CBLIF: variants seen among roughly 807,000 people sequenced by gnomAD.
CBLIF encodes the protein gastric intrinsic factor (vitamin B synthesis).
A neutral mutation model predicts 44.9 loss-of-function variants in CBLIF; 24 were observed. That is an observed-to-expected ratio of 0.53 (90% CI 0.39 to 0.75). The LOEUF is 0.75. Among genes scored for constraint, CBLIF ranks in the 30% least tolerant of loss-of-function variants. CBLIF has a pLI of 0.00. For synonymous variants in CBLIF, 183 were observed against 190.9 expected (o/e 0.96, Z 0.34); for missense variants, 481 against 513.0 (o/e 0.94, Z 0.60).
At chr11:59,831,907 G>A (rs1866380340) in intron 7 of CBLIF, 111 bp from the exon 8 acceptor site, 2 of 696,308 alleles carry the variant, frequency 2.9e-6, no homozygotes, top group South Asian at 1.5e-5. Flanking sequence ...ATTTTTTAGA[G>A]ACAAGGTGTG....
Position 59,842,556 on chromosome 11 carries a change from T to G in CBLIF, c.398A>C (p.Tyr133Ser), listed in dbSNP as rs1436498258. 1 of 1,613,812 alleles carries G rather than the reference T, an allele frequency of 6.2e-7. No homozygotes were observed. The highest frequency in any genetic ancestry group is 2.2e-5 in the East Asian group (1 of 44,870). Residue 133 changes from tyrosine to serine, a missense_variant, in exon 4 of 9, where the codon TAT becomes TCT. Transcript: ENST00000257248. ...SSPNAEASAF[Y>S]GPSLAILALC... The stretch of plus-strand genomic sequence containing the variant: ...TGCCAAGATCGCTAGACTGGGCCCA[T>G]AGAAGGCTGATGCTTCAGCGTTGGG...
At chr11:59,838,054 G>GA (rs1202793508) in intron 5 of CBLIF, among the ~76,000 whole-genome samples, 1 of 152,046 alleles carries the variant, frequency 6.6e-6, no homozygotes, top group African/African-American at 2.4e-5. Context: ...GCTGGACGAT[G>GA]AAAAAAGAGT....
chr11:59,843,730 G>A (rs1866569428), intron 2 of CBLIF, 149 bp downstream of exon 2: 3 of 705,764 alleles, frequency 4.3e-6, no homozygotes, highest in Non-Finnish European at 7.7e-6. Flanking sequence ...TTCTTTCCAG[G>A]TACCTTCCAG....
At chr11:59,835,147 C>CTTT (rs11307656) in intron 7 of CBLIF, among the ~76,000 whole-genome samples, 1 of 141,284 alleles carries the variant, frequency 7.1e-6, no homozygotes. Context: ...ATTTCTTTTC[C>CTTT]TTTTTTTTTT....
chr11:59,842,382 C>T, intron 4 of CBLIF, 61 bp downstream of exon 4: 2 of 1,579,146 alleles, frequency 1.3e-6, no homozygotes, highest in Non-Finnish European at 1.7e-6. Flanking sequence ...CCTGCCAGCT[C>T]CACCATTCAG....
chr11:59,842,595 A>G lies in CBLIF; in HGVS notation c.371-12T>C, dbSNP rs748272970. The G allele has an allele frequency of 1.2e-6, 2 of 1,612,632 alleles. No individual in the cohort carries two copies. The highest frequency in any genetic ancestry group is 1.7e-6 in the Non-Finnish European group (2 of 1,178,812). On this transcript the variant is annotated splice_polypyrimidine_tract_variant and intron_variant, in intron 3 of 8. Transcript: ENST00000257248. ...TTCAGCGTTGGGGCCTCCGAAGGGG[A>G]TAGAGAACCTTCATCAGACTCACAG...
intron 5 of CBLIF, among the ~76,000 whole-genome samples, chr11:59,840,688 T>G (rs1328182350): frequency 2.0e-5 from 3 of 152,164 alleles, no homozygotes. Flanking sequence ...ATTTTGAGTA[T>G]AAACTTGCTA....
chr11:59,838,785 T>C (rs1866485644), intron 5 of CBLIF, among the ~76,000 whole-genome samples: 1 of 152,196 alleles, frequency 6.6e-6, no homozygotes, highest in African/African-American at 2.4e-5. Context: ...CATTAAGTGG[T>C]TAGACGTCAT....
chr11:59,833,175 G>A (rs1164125957), intron 7 of CBLIF, among the ~76,000 whole-genome samples: 1 of 152,108 alleles, frequency 6.6e-6, no homozygotes, highest in Non-Finnish European at 1.5e-5. Flanking sequence ...CAAAATTAAA[G>A]CTAACTTCAG....
chr11:59,842,964 G>T, intron 3 of CBLIF, 64 bp downstream of exon 3: 1 of 1,013,918 alleles, frequency 9.9e-7, no homozygotes, highest in Non-Finnish European at 1.6e-6. Flanking sequence ...TTTCCTTTCT[G>T]GGTTTAAAAT....
chr11:59,832,614 C>T (rs1866388156), intron 7 of CBLIF, among the ~76,000 whole-genome samples: 1 of 151,986 alleles, frequency 6.6e-6, no homozygotes, highest in African/African-American at 2.4e-5. Context: ...ATAGTGAAAC[C>T]CCGTCTCTAA....
intron 7 of CBLIF, among the ~76,000 whole-genome samples, chr11:59,833,609 G>A (rs1419670441): frequency 6.6e-6 from 1 of 152,090 alleles, no homozygotes; most frequent in African/African-American, 2.4e-5. Context: ...CGTGCAGTAA[G>A]CAGCAGACAC....
intron 7 of CBLIF, among the ~76,000 whole-genome samples, chr11:59,835,052 G>A (rs2135087226): frequency 6.6e-6 from 1 of 152,094 alleles, no homozygotes. Flanking sequence ...CTTTTACACT[G>A]TCACCCAACC....
chr11:59,830,646 A>C (rs542108356), intron 8 of CBLIF, among the ~76,000 whole-genome samples: 1 of 152,292 alleles, frequency 6.6e-6, no homozygotes, highest in Non-Finnish European at 1.5e-5. Context: ...AAAACTAATA[A>C]TAATAATGAT....
chr11:59,835,848 C>T lies in CBLIF; in HGVS notation c.1033G>A (p.Val345Ile). ...VSVKSGSVLLVVLEEAQRKNP... is the reference protein window; with the variant it reads ...VSVKSGSVLLIVLEEAQRKNP... ...TTGCGCTGTGCTTCCTCTAGGACAA[C>T]AAGTAACACTGACCCACTTTTCACA... The change falls in exon 7 of 9, where the codon GTT becomes ATT. Residue 345 changes from valine (V) to isoleucine (I), a missense_variant. Transcript: ENST00000257248. 2 of 1,614,132 alleles carry T rather than the reference C, an allele frequency of 1.2e-6. No individual in the cohort carries two copies. The highest frequency in any genetic ancestry group is 1.7e-6 in the Non-Finnish European group (2 of 1,179,986).
intron 5 of CBLIF, among the ~76,000 whole-genome samples, chr11:59,838,138 C>A: frequency 6.6e-6 from 1 of 152,052 alleles, no homozygotes; most frequent in Non-Finnish European, 1.5e-5. Flanking sequence ...CTAGACTTCC[C>A]AGTGTATGTG....
chr11:59,832,278 A>AAC (rs1468056144), intron 7 of CBLIF, among the ~76,000 whole-genome samples: 1 of 152,162 alleles, frequency 6.6e-6, no homozygotes, highest in Non-Finnish European at 1.5e-5. Context: ...AAATGATGAG[A>AAC]ACACATGAAT....
At position 59,844,889 on chromosome 11, in the gene CBLIF, C is replaced by T. The variant is rs113182276; in HGVS notation, c.79+486G>A. Among the ~76,000 whole-genome samples, 657 of 152,238 alleles carry T rather than the reference C, an allele frequency of 4.3e-3. 3 individuals carry two copies. Among genetic ancestry groups the T allele is most frequent in the Non-Finnish European group, 7.0e-3 (475 of 68,020 alleles). On this transcript the variant is annotated intron_variant, in intron 1 of 8. Coordinates refer to ENST00000257248, the MANE Select transcript of CBLIF (RefSeq NM_005142.3). ...TTGAGACAGGGTGCTGCTGTGTCAT[C>T]TAGGCTGGAGTGCAGTGGTGTGATT...
intron 6 of CBLIF, among the ~76,000 whole-genome samples, chr11:59,836,777 T>A (rs1370196033): frequency 1.3e-5 from 2 of 152,230 alleles, no homozygotes; most frequent in South Asian, 2.1e-4. Flanking sequence ...ATTGTAGTTT[T>A]TGTTTACACA....
Sources: allele counts gnomAD v4.1 joint callset (sites outside exome capture counted in the v4.1 genomes callset), GRCh38; gene constraint gnomAD v4.1.1; transcripts MANE v1.5; gene names NCBI Gene and HGNC (gene_info 2026-07-23, HGNC 2026-07-21).